Variants in TIAM2 observed in about 807,000 individuals in gnomAD.
The protein encoded by TIAM2 is TIAM Rac1 associated GEF 2, also known as rho guanine nucleotide exchange factor TIAM2.
TIAM2 carries 80 observed loss-of-function variants against 152.9 expected under a neutral mutation model. The ratio of observed to expected loss-of-function variants is 0.52; its 90% confidence interval spans 0.44 to 0.63. TIAM2 has a LOEUF of 0.63. TIAM2 is among the 30% of genes least tolerant of loss of function. The pLI is 0.00. For missense variants in TIAM2, 1,965 were observed against 2,120.1 expected (o/e 0.93, Z 1.44); for synonymous variants, 804 against 838.0 (o/e 0.96, Z 0.70).
intron 1 of TIAM2, among the ~76,000 whole-genome samples, chr6:155,071,642 C>T (rs755178752): frequency 1.9e-4 from 29 of 152,248 alleles, no homozygotes; most frequent in Non-Finnish European, 2.9e-4. Flanking sequence ...CGGTGGCTCA[C>T]GCCTGTAATC....
intron 5 of TIAM2, among the ~76,000 whole-genome samples, chr6:155,139,357 GT>G: frequency 6.6e-6 from 1 of 152,284 alleles, no homozygotes; most frequent in East Asian, 1.9e-4. Context: ...GCCGGCGGGT[GT>G]ACAAAGCCCA....
In TIAM2 at chr6:155,137,673, C is replaced by T. The variant is rs371975682; in HGVS notation, c.1630+61C>T. 2.2e-4 allele frequency: 320 copies of T among 1,485,488 alleles called. 3 individuals are homozygous for T. In the South Asian group the frequency reaches 3.7e-3, roughly 17 times the overall value. 92.0% of individuals were successfully genotyped at this position (1,485,488 alleles called of 1,614,324 possible). A position where few individuals can be genotyped will look rare whatever the true frequency, so the allele number is the denominator to read the frequency against. On this transcript the variant is annotated intron_variant, in intron 5 of 26. Coordinates refer to ENST00000682666, the MANE Select transcript of TIAM2 (RefSeq NM_012454.4). ...TTGTTTCCGCCAGCCGTGCTCTTTG[C>T]CAGGAAGTGCCAAGAGACTAGCATT...
At chr6:155,194,310 A>C (rs1393877946) in intron 14 of TIAM2, among the ~76,000 whole-genome samples, 1 of 152,166 alleles carries the variant, frequency 6.6e-6, no homozygotes, top group Admixed American at 6.5e-5. Flanking sequence ...CCAGGTGACA[A>C]AGGGTCCACG....
intron 7 of TIAM2, among the ~76,000 whole-genome samples, chr6:155,153,182 C>T (rs528391663): frequency 1.3e-5 from 2 of 152,256 alleles, no homozygotes; most frequent in South Asian, 4.2e-4. Context: ...ATAGCCCAGG[C>T]CCTAACCCCT....
chr6:155,175,860 A>G (rs113674828), intron 9 of TIAM2, among the ~76,000 whole-genome samples: 3,293 of 152,342 alleles, frequency 0.022, 53 homozygotes, highest in Middle Eastern at 0.065. Flanking sequence ...TGAAGGTGGT[A>G]TTCTTTGAGA....
chr6:155,046,931 T>G (rs921289620), intron 1 of TIAM2, among the ~76,000 whole-genome samples: 2 of 152,156 alleles, frequency 1.3e-5, no homozygotes, highest in Non-Finnish European at 2.9e-5. Flanking sequence ...TTGGAGAAGT[T>G]TGCAGATACA....
chr6:155,126,480 C>G (rs2115033053), intron 2 of TIAM2, among the ~76,000 whole-genome samples: 1 of 152,258 alleles, frequency 6.6e-6, no homozygotes, highest in East Asian at 1.9e-4. Flanking sequence ...GCCTGTAATC[C>G]CCGCGCTTTG....
At chr6:155,155,370 T>A (rs1340453983) in intron 7 of TIAM2, among the ~76,000 whole-genome samples, 9 of 152,202 alleles carry the variant, frequency 5.9e-5, no homozygotes, top group Non-Finnish European at 1.3e-4. Flanking sequence ...GAGATGGGAT[T>A]GGCCATGCTG....
intron 1 of TIAM2, among the ~76,000 whole-genome samples, chr6:155,004,540 G>A (rs1268387155): frequency 1.1e-4 from 16 of 151,676 alleles, no homozygotes; most frequent in Admixed American, 9.2e-4. Flanking sequence ...TGTTACAGGC[G>A]CCCGCCACTA....
At chr6:155,185,489 CTTTTATTTATTTAT>C (rs948956389) in intron 14 of TIAM2, among the ~76,000 whole-genome samples, 6 of 137,136 alleles carry the variant, frequency 4.4e-5, no homozygotes, top group Non-Finnish European at 6.2e-5. Flanking sequence ...AGTTAAGCCA[CTTTTATTTATTTAT>C]TTATTTATTT....
intron 8 of TIAM2, 38 bp from the exon 9 acceptor site, chr6:155,165,225 A>G: frequency 1.9e-6 from 3 of 1,577,356 alleles, no homozygotes; most frequent in Non-Finnish European, 1.7e-6. Flanking sequence ...CTCAAATACT[A>G]AGCCTTTAGA....
At chr6:155,114,804 A>C (rs965269761) in intron 2 of TIAM2, among the ~76,000 whole-genome samples, 4 of 152,132 alleles carry the variant, frequency 2.6e-5, no homozygotes, top group Non-Finnish European at 5.9e-5. Context: ...GATCAGAACC[A>C]CAACCACCCT....
intron 1 of TIAM2, among the ~76,000 whole-genome samples, chr6:155,080,712 C>T (rs552989334): frequency 2.7e-4 from 41 of 152,234 alleles, no homozygotes; most frequent in African/African-American, 9.4e-4. Flanking sequence ...GGATTATAGA[C>T]GTGAGCCACT....
At chr6:155,233,120 T>C (rs908980512) in intron 15 of TIAM2, among the ~76,000 whole-genome samples, 17 of 152,270 alleles carry the variant, frequency 1.1e-4, no homozygotes, top group Middle Eastern at 6.8e-3. Context: ...TCCTGCCACG[T>C]ATTTCATGCA....
At chr6:155,139,636 G>A (rs1779643394) in intron 5 of TIAM2, among the ~76,000 whole-genome samples, 1 of 152,138 alleles carries the variant, frequency 6.6e-6, no homozygotes, top group Admixed American at 6.5e-5. Flanking sequence ...AGGGAAATGT[G>A]GCTGCAAACT....
chr6:155,164,414 G>T lies in TIAM2; in HGVS notation c.2029-1G>T. ...TAAATCACCTCTGTTTTTGCTTTAA[G>T]ATCCAGCAATGGGAGCAGAATCTTG... On this transcript the variant is annotated splice_acceptor_variant, in intron 7 of 26. Transcript: ENST00000682666. LOFTEE classifies it high-confidence loss of function. 6.4e-7 allele frequency: 1 copy of T among 1,570,010 alleles called. No homozygotes were observed. The highest frequency in any genetic ancestry group is 1.8e-5 in the Admixed American group (1 of 56,836).
chr6:155,227,992 A>AT (rs1267439472), intron 15 of TIAM2, among the ~76,000 whole-genome samples: 1 of 152,192 alleles, frequency 6.6e-6, no homozygotes, highest in Non-Finnish European at 1.5e-5. Context: ...GTGCTGCTCT[A>AT]TTTTTTGTTT....
rs1337369872 is a variant in TIAM2, at chr6:155,240,654, A to T, written c.3293A>T (p.Asp1098Val). 2 of 1,613,980 alleles carry T rather than the reference A, an allele frequency of 1.2e-6. No individual in the cohort carries two copies. Among genetic ancestry groups the T allele is most frequent in the Non-Finnish European group, 1.7e-6 (2 of 1,180,038 alleles). ...RSLARHLSDADRLRKVIQELV... is the reference protein window; with the variant it reads ...RSLARHLSDAVRLRKVIQELV... ...CTGGCCCGCCACCTGTCTGATGCAG[A>T]CCGCCTCCGCAAAGTCATCCAGGAG... Residue 1098 changes from aspartate (D) to valine (V), a missense_variant, in exon 16 of 27, where the codon GAC becomes GTC. By Grantham distance (152) the Asp-to-Val change is radical. This residue lies in a region of TIAM2 where 935 missense variants were observed against 980.0 expected (regional missense o/e 0.95). Coordinates refer to ENST00000682666, the MANE Select transcript of TIAM2 (RefSeq NM_012454.4).
At chr6:155,251,908 T>C (rs1327009267) in intron 22 of TIAM2, 37 bp from the exon 23 acceptor site, 4 of 1,541,890 alleles carry the variant, frequency 2.6e-6, no homozygotes, top group Non-Finnish European at 3.6e-6. Flanking sequence ...AGAGTTTGCA[T>C]AAAATAAAGA....
Sources: allele counts gnomAD v4.1 joint callset (sites outside exome capture counted in the v4.1 genomes callset), GRCh38; gene constraint gnomAD v4.1.1; regional missense constraint gnomAD v4.1.1; transcripts MANE v1.5; gene names NCBI Gene and HGNC (gene_info 2026-07-23, HGNC 2026-07-21).